Variants in MROH1 observed in about 807,000 individuals in gnomAD.
The protein encoded by MROH1 is maestro heat like repeat family member 1, also known as maestro heat-like repeat-containing protein family member 1.
A neutral mutation model predicts 116.5 loss-of-function variants in MROH1; 117 were observed. The observed-to-expected ratio is 1.00, with a 90% CI of 0.86 to 1.17. The LOEUF (loss-of-function observed/expected upper bound fraction) is 1.17, where lower values mean the gene tolerates loss of function less well. MROH1 is among the 50% of genes most tolerant of loss of function. The pLI is 0.00. For missense variants in MROH1, 1,873 were observed against 1,338.5 expected (o/e 1.40, Z -6.23); for synonymous variants, 921 against 583.9 (o/e 1.58, Z -8.32).
chr8:144,155,528 A>T (rs1453295015), intron 1 of MROH1, among the ~76,000 whole-genome samples: 1 of 152,058 alleles, frequency 6.6e-6, no homozygotes, highest in Non-Finnish European at 1.5e-5. Context: ...AAGTTTTCCA[A>T]TATATTTATT....
intron 12 of MROH1, among the ~76,000 whole-genome samples, chr8:144,205,717 C>T (rs1001778456): frequency 6.6e-6 from 1 of 152,108 alleles, no homozygotes; most frequent in African/African-American, 2.4e-5. Context: ...TTTCAGTACC[C>T]CATGACTTCG....
rs1348613857 is a variant in MROH1, at chr8:144,150,909, C to T, written c.-177+2833C>T. ...CTTCCTGCCCAAATGTTACATTTCCCAAGACCACCCTGGCCTGCCATACAT... is the reference window on the plus strand; with the variant it reads ...CTTCCTGCCCAAATGTTACATTTCCTAAGACCACCCTGGCCTGCCATACAT... On this transcript the variant is annotated intron_variant, in intron 1 of 43. Transcript: ENST00000326134. 7.9e-5 allele frequency among the ~76,000 whole-genome samples: 12 copies of T among 152,262 alleles called. No homozygotes were observed. The East Asian group carries it at 1.7e-3, about 22-fold the overall frequency.
intron 12 of MROH1, among the ~76,000 whole-genome samples, chr8:144,207,927 G>T (rs1183228046): frequency 6.6e-6 from 1 of 150,810 alleles, no homozygotes; most frequent in Non-Finnish European, 1.5e-5. Context: ...AGGGGGCAAG[G>T]TGTGTTTTTT....
chr8:144,207,350 G>A (rs1470202979), intron 12 of MROH1, among the ~76,000 whole-genome samples: 1 of 152,028 alleles, frequency 6.6e-6, no homozygotes, highest in African/African-American at 2.4e-5. Context: ...ACCATGCCCA[G>A]CTAATTTTTG....
chr8:144,192,971 G>T, intron 10 of MROH1: 1 of 234,202 alleles, frequency 4.3e-6, no homozygotes, highest in South Asian at 4.8e-5. Context: ...AGAGAGGAGA[G>T]GGGCAGGGAG....
intron 14 of MROH1, among the ~76,000 whole-genome samples, chr8:144,236,991 C>T (rs930285132): frequency 1.4e-5 from 2 of 147,410 alleles, no homozygotes; most frequent in African/African-American, 5.0e-5. Flanking sequence ...CTGCAAGCTC[C>T]GCCTGCCAGG....
chr8:144,211,957 T>C (rs1834196639), intron 12 of MROH1, among the ~76,000 whole-genome samples: 1 of 152,214 alleles, frequency 6.6e-6, no homozygotes, highest in African/African-American at 2.4e-5. Flanking sequence ...GATACGGCCC[T>C]GCTGGTCTTT....
At chr8:144,173,412 A>AT (rs1822995512) in intron 4 of MROH1, among the ~76,000 whole-genome samples, 1 of 42,656 alleles carries the variant, frequency 2.3e-5, no homozygotes, top group African/African-American at 7.0e-5. Context: ...TTATTTATTT[A>AT]TTTTATTTTT....
chr8:144,243,270 T>C (rs1841332963), intron 24 of MROH1, among the ~76,000 whole-genome samples: 4 of 152,234 alleles, frequency 2.6e-5, no homozygotes, highest in Non-Finnish European at 1.5e-5. Flanking sequence ...CACCACACAG[T>C]GTCTGCTCTG....
Position 144,261,771 on chromosome 8 carries a change from T to C in MROH1, c.*31T>C, listed in dbSNP as rs1845132206. ...CGGCCAGCACCCCCAGCGAGGAGTA[T>C]GCACCCAGACCTGTGCCTGAGCTCC... On this transcript the variant is annotated 3_prime_UTR_variant, in exon 44 of 44. Coordinates refer to ENST00000326134, the MANE Select transcript of MROH1 (RefSeq NM_032450.3). 1.4e-6 allele frequency: 1 copy of C among 702,860 alleles called. No individual in the cohort carries two copies. The highest frequency in any genetic ancestry group is 2.6e-6 in the Non-Finnish European group (1 of 385,466). The allele number at this position is 702,860 out of a possible 1,614,324, so 43.5% of individuals were successfully genotyped here.
intron 3 of MROH1, among the ~76,000 whole-genome samples, chr8:144,167,369 G>GT (rs1490625532): frequency 2.3e-5 from 3 of 132,174 alleles, no homozygotes; most frequent in African/African-American, 9.1e-5. Context: ...GTGGCCAGAT[G>GT]TGGGGTGGAG....
At chr8:144,257,700 G>A (rs912374933) in intron 35 of MROH1, among the ~76,000 whole-genome samples, 4 of 152,340 alleles carry the variant, frequency 2.6e-5, no homozygotes, top group East Asian at 3.9e-4. Flanking sequence ...ACTCCACGTC[G>A]CAGCACACCA....
At chr8:144,229,134 T>G (rs1838346821) in intron 14 of MROH1, among the ~76,000 whole-genome samples, 1 of 152,214 alleles carries the variant, frequency 6.6e-6, no homozygotes, top group Non-Finnish European at 1.5e-5. Flanking sequence ...TCTTACTGTT[T>G]CCACTACATT....
intron 12 of MROH1, among the ~76,000 whole-genome samples, chr8:144,212,356 A>G (rs1834309367): frequency 6.6e-6 from 1 of 152,076 alleles, no homozygotes; most frequent in Non-Finnish European, 1.5e-5. Flanking sequence ...AAGTACTGGC[A>G]TTACAGGTAT....
intron 14 of MROH1, among the ~76,000 whole-genome samples, chr8:144,224,688 A>G (rs73368461): frequency 0.071 from 10,738 of 152,214 alleles, 1,304 homozygotes; most frequent in African/African-American, 0.24. Flanking sequence ...CAAATTATTC[A>G]TGATAAAATG....
intron 14 of MROH1, among the ~76,000 whole-genome samples, chr8:144,230,332 A>G (rs1169213706): frequency 6.6e-6 from 1 of 152,178 alleles, no homozygotes; most frequent in Non-Finnish European, 1.5e-5. Context: ...TGTCAGCAAT[A>G]AGGCTGTTTT....
intron 8 of MROH1, 99 bp downstream of exon 8, chr8:144,191,034 C>A: frequency 7.3e-7 from 1 of 1,367,982 alleles, no homozygotes; most frequent in South Asian, 1.4e-5. Flanking sequence ...GGTGGTGTTG[C>A]ATTGGCAAGC....
intron 14 of MROH1, among the ~76,000 whole-genome samples, chr8:144,225,208 C>T (rs1837571860): frequency 6.6e-6 from 1 of 152,004 alleles, no homozygotes; most frequent in African/African-American, 2.4e-5. Context: ...ATGGGTGGCA[C>T]TTCTTGTGCC....
intron 4 of MROH1, 79 bp from the exon 5 acceptor site, chr8:144,179,376 T>C: frequency 1.9e-6 from 3 of 1,576,634 alleles, no homozygotes; most frequent in South Asian, 1.1e-5. Context: ...GGTTTCATCT[T>C]GTAGAGACAG....
Sources: allele counts gnomAD v4.1 joint callset (sites outside exome capture counted in the v4.1 genomes callset), GRCh38; gene constraint gnomAD v4.1.1; transcripts MANE v1.5; gene names NCBI Gene and HGNC (gene_info 2026-07-23, HGNC 2026-07-21).